POM121: variants seen among roughly 807,000 people sequenced by gnomAD.
The protein encoded by POM121 is POM121 transmembrane nucleoporin.
In POM121, 32 loss-of-function variants were observed where a neutral mutation model predicts 81.3. The ratio of observed to expected loss-of-function variants is 0.39; its 90% CI spans 0.30 to 0.53. The LOEUF (loss-of-function observed/expected upper bound fraction) is 0.53. POM121 is among the 20% of genes least tolerant of loss of function. POM121 has a pLI of 0.66. For synonymous variants in POM121, 514 were observed against 694.2 expected (o/e 0.74, Z 4.08); for missense variants, 1,138 against 1,614.6 (o/e 0.70, Z 5.06).
At position 72,925,136 on chromosome 7, in the gene POM121, T is replaced by C. The variant is rs1795243336; in HGVS notation, c.15T>C (p.Ala5=). Residue 5 remains alanine (A), a synonymous_variant, in exon 1 of 13, where the codon GCT becomes GCC. Transcript: ENST00000434423. MSPA[A]AAAGAGERRR... is the part of the protein sequence containing the mutation. ...GCGGAGCCGCGATGTCTCCGGCGGCTGCGGCGGCTGGAGCAGGCGAGCGGC... is the reference window on the plus strand; with the variant it reads ...GCGGAGCCGCGATGTCTCCGGCGGCCGCGGCGGCTGGAGCAGGCGAGCGGC... The C allele has an allele frequency of 5.6e-6, 8 of 1,439,444 alleles. No homozygotes were observed. The African/African-American group carries it at 9.0e-5, about 16-fold the overall frequency. The allele number at this position is 1,439,444 out of a possible 1,614,324, so 89.2% of individuals were successfully genotyped here.
intron 5 of POM121, among the ~76,000 whole-genome samples, chr7:72,931,674 G>A (rs1190591059): frequency 6.6e-6 from 1 of 151,548 alleles, no homozygotes; most frequent in African/African-American, 2.4e-5. Context: ...GAGTTCAAGC[G>A]ATTCTCCTGC....
Position 72,943,423 on chromosome 7 carries a change from G to T in POM121, c.3430G>T (p.Ala1144Ser), listed in dbSNP as rs141369711. The T allele has an allele frequency of 2.7e-5, 43 of 1,612,570 alleles. No homozygotes were observed. In the Middle Eastern group the frequency reaches 5.2e-4, roughly 20 times the overall value. ...GAGCACAGCCACCTCCACCCCCTTCGCAGGGGGCTTAGGTCAGAACGCCCT... is the reference window on the plus strand; with the variant it reads ...GAGCACAGCCACCTCCACCCCCTTCTCAGGGGGCTTAGGTCAGAACGCCCT... ...SGSTATSTPF[A>S]GGLGQNALGT... Residue 1144 changes from alanine (A) to serine (S), a missense_variant, in exon 11 of 13, where the codon GCA becomes TCA. Coordinates refer to ENST00000434423, the MANE Select transcript of POM121 (RefSeq NM_001387691.1).
At chr7:72,933,753 A>G (rs1449437738) in intron 5 of POM121, among the ~76,000 whole-genome samples, 8 of 152,276 alleles carry the variant, frequency 5.3e-5, no homozygotes, top group Non-Finnish European at 1.2e-4. Context: ...AATGGATACA[A>G]GGATTTAATG....
intron 11 of POM121, among the ~76,000 whole-genome samples, chr7:72,944,846 T>C (rs1554502791): frequency 6.6e-6 from 1 of 152,038 alleles, no homozygotes; most frequent in African/African-American, 2.4e-5. Flanking sequence ...GGACCATCAG[T>C]CAGCCTCACA....
downstream of POM121, chr7:72,948,531 C>G (rs1554503889): frequency 6.2e-7 from 1 of 1,613,510 alleles, no homozygotes; most frequent in Admixed American, 1.7e-5. Context: ...TTTTTGCTCT[C>G]TTCTTTCTCT....
rs147829606 is a variant in POM121 at position 72,942,913 on chromosome 7, G to A, written c.2920G>A (p.Ala974Thr). The change falls in exon 11 of 13, where the codon GCC (alanine) becomes ACC (threonine). Residue 974 changes from alanine (A) to threonine (T), a missense_variant. Physicochemically the swap from Ala to Thr is moderately conservative, Grantham distance 58. Coordinates refer to ENST00000434423, the MANE Select transcript of POM121 (RefSeq NM_001387691.1). ...PGANPQPAFG[A>T]AEGQPPGAAK... ...AGCCAACCCCCAGCCCGCATTTGGG[G>A]CCGCTGAGGGGCAGCCACCGGGGGC... 5.6e-6 allele frequency: 9 copies of A among 1,601,208 alleles called. No homozygotes were observed. Among genetic ancestry groups the A allele is most frequent in the Admixed American group, 1.7e-5 (1 of 57,958 alleles).
At position 72,904,051 on chromosome 7, in the gene POM121, G is replaced by A. The variant is rs185308720; in HGVS notation, c.-215-9714G>A. Among the ~76,000 whole-genome samples the A allele has an allele frequency of 1.9e-3, 282 of 152,278 alleles. 3 individuals carry two copies. Among genetic ancestry groups the A allele is most frequent in the Middle Eastern group, 0.014 (4 of 294 alleles). ...ACTCCTGGCCTCAAGTGATCTGCCC[G>A]CCTCGGCTTCCCAAAGTGCTAGGAT... On this transcript the variant is annotated intron_variant, in intron 3 of 15. Transcript: ENST00000395270.
upstream of POM121, among the ~76,000 whole-genome samples, chr7:72,922,194 TTG>T (rs534374737): frequency 6.6e-6 from 1 of 152,354 alleles, no homozygotes; most frequent in East Asian, 1.9e-4. Context: ...TATTAGGTAT[TTG>T]TGTTTCCCAT....
intron 11 of POM121, among the ~76,000 whole-genome samples, chr7:72,945,224 G>A (rs1242867145): frequency 5.9e-5 from 9 of 152,130 alleles, no homozygotes; most frequent in South Asian, 4.1e-4. Flanking sequence ...GGGAGGGGAC[G>A]GTGGCTGGGG....
intron 4 of POM121, among the ~76,000 whole-genome samples, chr7:72,916,650 C>A (rs1287913085): frequency 5.9e-5 from 9 of 152,124 alleles, no homozygotes; most frequent in Admixed American, 3.9e-4. Flanking sequence ...GCTATACAGG[C>A]TCGTTTTTGG....
At position 72,891,955 on chromosome 7, in the gene POM121, T is replaced by C. The variant is rs1791338459; in HGVS notation, c.-216+845T>C. Reference sequence around the variant, plus strand: ...GTTATTTCCCCAAGTCCATGCTCAGTTGATGTGATGATGTAGCGCTCCCTC... The same window carrying C: ...GTTATTTCCCCAAGTCCATGCTCAGCTGATGTGATGATGTAGCGCTCCCTC... On this transcript the variant is annotated intron_variant, in intron 3 of 15. Coordinates refer to the POM121 transcript ENST00000395270. Among the ~76,000 whole-genome samples, 4 of 152,272 alleles carry C rather than the reference T, an allele frequency of 2.6e-5. 1 individual carries two copies. In the South Asian group the frequency reaches 8.3e-4, roughly 32 times the overall value.
chr7:72,938,471 A>C, intron 5 of POM121, 119 bp from the exon 6 acceptor site: 2 of 1,232,984 alleles, frequency 1.6e-6, no homozygotes, highest in Non-Finnish European at 2.4e-6. Context: ...GATTACAGGC[A>C]TGACTAACCA....
In POM121 at chr7:72,945,619, C is replaced by T. The variant is rs1554503004; in HGVS notation, c.3563C>T (p.Pro1188Leu). The T allele has an allele frequency of 6.2e-7, 1 of 1,613,592 alleles. No homozygotes were observed. The highest frequency in any genetic ancestry group is 8.5e-7 in the Non-Finnish European group (1 of 1,179,724). ...ACCCCCACCTTTGGTCTGAACACCC[C>T]TGCGCCTGGAGTGGGCACATCAGGC... ...TATPTFGLNTPAPGVGTSGSS... is the reference protein window; with the variant it reads ...TATPTFGLNTLAPGVGTSGSS... Residue 1188 changes from proline (P) to leucine (L), a missense_variant, in exon 12 of 13, where the codon CCT becomes CTT. Transcript: ENST00000434423.
intron 3 of POM121, among the ~76,000 whole-genome samples, chr7:72,893,294 C>T (rs190255474): frequency 2.0e-5 from 3 of 151,828 alleles, no homozygotes; most frequent in East Asian, 4.0e-4. Flanking sequence ...TTAAAAACCA[C>T]GTAACATGGC....
At chr7:72,907,283 C>G (rs2129575983) in intron 3 of POM121, among the ~76,000 whole-genome samples, 1 of 152,024 alleles carries the variant, frequency 6.6e-6, no homozygotes, top group Admixed American at 6.6e-5. Context: ...CTTTCTAGGC[C>G]CCTTTGCCCT....
chr7:72,893,886 CT>C (rs1398146150), intron 3 of POM121, among the ~76,000 whole-genome samples: 3 of 152,184 alleles, frequency 2.0e-5, no homozygotes, highest in Non-Finnish European at 4.4e-5. Context: ...GCCCTGGTTT[CT>C]GCTCAACTCG....
At chr7:72,936,858 G>C (rs1554499615) in intron 5 of POM121, among the ~76,000 whole-genome samples, 3 of 152,092 alleles carry the variant, frequency 2.0e-5, no homozygotes. Flanking sequence ...ATGTTGCCCA[G>C]GCTGGTCCGA....
At chr7:72,913,371 GGA>G (rs2129576494) in intron 3 of POM121, among the ~76,000 whole-genome samples, 1 of 152,330 alleles carries the variant, frequency 6.6e-6, no homozygotes, top group East Asian at 1.9e-4. Flanking sequence ...ATGGAGCCGT[GGA>G]TTAGTTCTTT....
rs782381148 is a variant in POM121 at position 72,943,051 on chromosome 7, G to GC, written c.3059dup (p.Tyr1021ValfsTer150). On this transcript the variant is annotated frameshift_variant, in exon 11 of 13. Coordinates refer to ENST00000434423, the MANE Select transcript of POM121 (RefSeq NM_001387691.1). LOFTEE classifies it high-confidence loss of function. ...TCCGTCCATGATCAAGGTCGTGCCT[G>GC]CGTACGTGCCTACGCCCATCCATCC... The GC allele has an allele frequency of 1.9e-6, 3 of 1,613,780 alleles. No individual in the cohort carries two copies. The highest frequency in any genetic ancestry group is 2.5e-6 in the Non-Finnish European group (3 of 1,179,884).
Sources: gnomAD v4.1 joint callset for allele counts (sites outside exome capture counted in the v4.1 genomes callset) on GRCh38, gnomAD v4.1.1 for gene constraint, MANE v1.5 for transcripts, NCBI Gene and HGNC (gene_info 2026-07-23, HGNC 2026-07-21) for gene names.